FMN2: variants seen among roughly 807,000 people sequenced by gnomAD.
FMN2 encodes formin-2.
Under a neutral mutation model 142.3 loss-of-function variants are expected in FMN2, and 51 were observed. The observed-to-expected ratio is 0.36, with a 90% CI of 0.29 to 0.45. The LOEUF is 0.45. Among genes scored for constraint, FMN2 ranks in the 20% least tolerant of loss-of-function variants. The pLI, the probability that FMN2 is intolerant of heterozygous loss-of-function variation, is 1.00. For missense variants in FMN2, 1,936 were observed against 2,122.8 expected (o/e 0.91, Z 1.73); for synonymous variants, 882 against 869.8 (o/e 1.01, Z -0.25).
intron 15 of FMN2, among the ~76,000 whole-genome samples, chr1:240,430,711 G>T (rs1572300799): frequency 8.0e-5 from 10 of 125,436 alleles, no homozygotes; most frequent in South Asian, 2.6e-4. Flanking sequence ...AGCACCATTT[G>T]ATTAAAAAAA....
intron 15 of FMN2, among the ~76,000 whole-genome samples, chr1:240,397,986 A>C (rs1278900995): frequency 6.8e-6 from 1 of 146,742 alleles, no homozygotes; most frequent in Non-Finnish European, 1.5e-5. Flanking sequence ...CCATTAATTC[A>C]GTAGGCAAGA....
Position 240,091,945 on chromosome 1 carries a change from G to T in FMN2, c.-165G>T, listed in dbSNP as rs1660983514. The T allele has an allele frequency of 1.7e-6, 2 of 1,203,620 alleles. No homozygotes were observed. The highest frequency in any genetic ancestry group is 2.2e-6 in the Non-Finnish European group (2 of 921,210). 74.6% of individuals were successfully genotyped at this position (1,203,620 alleles called of 1,614,324 possible). On this transcript the variant is annotated 5_prime_UTR_variant, in exon 1 of 18. Coordinates refer to ENST00000319653, the MANE Select transcript of FMN2 (RefSeq NM_020066.5). ...CCGCGCATTATGCAAAGCGGCGGCA[G>T]ATGCGAGCGGGGCCAGCCGGGCGCG...
In FMN2 at chr1:240,428,126, ATCT is replaced by A. The variant is rs372811774; in HGVS notation, c.4911-9930_4911-9928del. Among the ~76,000 whole-genome samples the A allele has an allele frequency of 7.6e-3, 1,150 of 152,258 alleles. 8 individuals carry two copies. Among genetic ancestry groups the A allele is most frequent in the Non-Finnish European group, 0.013 (889 of 68,018 alleles). ...AGCACCTTCCACCAAAAATGAAGAA[ATCT>A]TCTTTTTTCCTTAAGCGTTGTAATG... On this transcript the variant is annotated intron_variant, in intron 15 of 17. Transcript: ENST00000319653.
chr1:240,436,063 C>A (rs928444089), intron 15 of FMN2, among the ~76,000 whole-genome samples: 1 of 152,106 alleles, frequency 6.6e-6, no homozygotes, highest in Non-Finnish European at 1.5e-5. Flanking sequence ...AAAATATGAC[C>A]CAGATATGTC....
intron 2 of FMN2, among the ~76,000 whole-genome samples, chr1:240,128,650 G>A (rs1662608583): frequency 6.6e-6 from 1 of 152,136 alleles, no homozygotes; most frequent in East Asian, 1.9e-4. Flanking sequence ...CGGTTTGGAT[G>A]AATATGTGAG....
In FMN2 at chr1:240,124,916, C is replaced by A. The variant is rs902621908; in HGVS notation, c.1782+1571C>A. ...CTCCTGACCTCGTGATCCACCCGCCCCGGCCTCCCAAAGTGCTGGGATTAC... is the reference window on the plus strand; with the variant it reads ...CTCCTGACCTCGTGATCCACCCGCCACGGCCTCCCAAAGTGCTGGGATTAC... On this transcript the variant is annotated intron_variant, in intron 2 of 17. Coordinates refer to ENST00000319653, the MANE Select transcript of FMN2 (RefSeq NM_020066.5). Among the ~76,000 whole-genome samples, 3 of 152,006 alleles carry A rather than the reference C, an allele frequency of 2.0e-5. No individual in the cohort carries two copies. In the South Asian group the frequency reaches 6.2e-4, roughly 32 times the overall value.
chr1:240,339,538 T>C lies in FMN2; in HGVS notation c.4765+5309T>C, dbSNP rs141173962. On this transcript the variant is annotated intron_variant, in intron 13 of 17. Transcript: ENST00000319653. ...TTTTTAAAAAAAATTTAAAAAAAAT[T>C]TATTGAGGTAAAATATACATACAAA... Among the ~76,000 whole-genome samples, 921 of 152,104 alleles carry C rather than the reference T, an allele frequency of 6.1e-3. 10 individuals carry two copies. The highest frequency in any genetic ancestry group is 0.021 in the African/African-American group (860 of 41,508).
chr1:240,186,537 G>A (rs1368581481), intron 3 of FMN2, among the ~76,000 whole-genome samples: 11 of 152,224 alleles, frequency 7.2e-5, no homozygotes, highest in Admixed American at 3.3e-4. Context: ...TGTGTGCTGA[G>A]TGCCAAGGAG....
intron 2 of FMN2, among the ~76,000 whole-genome samples, chr1:240,162,198 G>T (rs1664308995): frequency 6.6e-6 from 1 of 151,774 alleles, no homozygotes; most frequent in Non-Finnish European, 1.5e-5. Context: ...GGGCATGGTG[G>T]CTCATGCCTG....
intron 13 of FMN2, among the ~76,000 whole-genome samples, chr1:240,347,317 C>T (rs934843482): frequency 3.3e-5 from 5 of 152,154 alleles, no homozygotes; most frequent in Admixed American, 6.5e-5. Flanking sequence ...TACAGCTGGA[C>T]GTTCCACTGA....
intron 2 of FMN2, among the ~76,000 whole-genome samples, chr1:240,161,050 A>G (rs758133567): frequency 6.6e-6 from 1 of 152,240 alleles, no homozygotes; most frequent in Non-Finnish European, 1.5e-5. Context: ...GAAGCCTAAT[A>G]AACTTCATTG....
At chr1:240,158,084 A>G (rs757029207) in intron 2 of FMN2, among the ~76,000 whole-genome samples, 9 of 151,990 alleles carry the variant, frequency 5.9e-5, no homozygotes, top group Non-Finnish European at 1.2e-4. Context: ...TTTAAATTCT[A>G]AGAGCATCCC....
At chr1:240,123,095 T>C in intron 1 of FMN2, 84 bp from the exon 2 acceptor site, 3 of 1,474,326 alleles carry the variant, frequency 2.0e-6, no homozygotes, top group East Asian at 2.3e-5. Flanking sequence ...TCCCTGGCAG[T>C]GTTTACCCAG....
At chr1:240,451,971 C>T (rs1676063698) in intron 16 of FMN2, among the ~76,000 whole-genome samples, 1 of 151,968 alleles carries the variant, frequency 6.6e-6, no homozygotes, top group Admixed American at 6.6e-5. Flanking sequence ...GTGGGCAGAT[C>T]ACAAGGTCAG....
At chr1:240,155,070 T>C (rs1328856603) in intron 2 of FMN2, among the ~76,000 whole-genome samples, 1 of 151,912 alleles carries the variant, frequency 6.6e-6, no homozygotes, top group Non-Finnish European at 1.5e-5. Context: ...TTTGTATTTC[T>C]TGTAAAGACA....
intron 15 of FMN2, among the ~76,000 whole-genome samples, chr1:240,403,225 T>C (rs1373658732): frequency 6.6e-6 from 1 of 152,242 alleles, no homozygotes; most frequent in African/African-American, 2.4e-5. Flanking sequence ...ACTCCTATCA[T>C]TTTAAAGCAA....
intron 7 of FMN2, among the ~76,000 whole-genome samples, chr1:240,281,282 T>C (rs1166451083): frequency 6.6e-6 from 1 of 152,158 alleles, no homozygotes; most frequent in Non-Finnish European, 1.5e-5. Flanking sequence ...ATTGTCTGTA[T>C]CTTACAGTAA....
chr1:240,257,209 G>A (rs1211492538), intron 6 of FMN2, among the ~76,000 whole-genome samples: 1 of 152,190 alleles, frequency 6.6e-6, no homozygotes, highest in African/African-American at 2.4e-5. Flanking sequence ...TATCTGTTCT[G>A]TAACAGCCTT....
chr1:240,092,536 G>T lies in FMN2; in HGVS notation c.427G>T (p.Gly143Cys). The T allele has an allele frequency of 6.2e-7, 1 of 1,611,160 alleles. No homozygotes were observed. The highest frequency in any genetic ancestry group is 1.1e-5 in the South Asian group (1 of 90,774). Residue 143 changes from glycine (G) to cysteine (C), a missense_variant, in exon 1 of 18, where the codon GGT becomes TGT. This residue lies in a region of FMN2 where 751 missense variants were observed against 791.8 expected (regional missense o/e 0.95). Coordinates refer to ENST00000319653, the MANE Select transcript of FMN2 (RefSeq NM_020066.5). Reference protein sequence around the residue: ...TECADPFEVTGPGGPGPAEAR... With the variant: ...TECADPFEVTCPGGPGPAEAR... ...GTGTGCGGACCCTTTTGAGGTGACCGGTCCAGGGGGTCCTGGGCCTGCCGA... is the reference window on the plus strand; with the variant it reads ...GTGTGCGGACCCTTTTGAGGTGACCTGTCCAGGGGGTCCTGGGCCTGCCGA...
Sources: allele counts gnomAD v4.1 joint callset (sites outside exome capture counted in the v4.1 genomes callset), GRCh38; gene constraint gnomAD v4.1.1; regional missense constraint gnomAD v4.1.1; transcripts MANE v1.5; gene names NCBI Gene and HGNC (gene_info 2026-07-23, HGNC 2026-07-21).